GPR137C: variants seen among roughly 807,000 people sequenced by gnomAD.
GPR137C encodes the protein G protein-coupled receptor 137C.
Under a neutral mutation model 43.4 loss-of-function variants are expected in GPR137C, and 27 were observed. The ratio of observed to expected loss-of-function variants is 0.62; its 90% confidence interval spans 0.46 to 0.86. The LOEUF (loss-of-function observed/expected upper bound fraction) is 0.86, where lower values mean the gene tolerates loss of function less well. Ranked by LOEUF, GPR137C falls within the 40% of genes least tolerant of loss-of-function variation. GPR137C has a pLI of 0.00. For synonymous variants in GPR137C, 285 were observed against 226.9 expected (o/e 1.26, Z -2.30); for missense variants, 522 against 534.6 (o/e 0.98, Z 0.23).
intron 4 of GPR137C, 68 bp downstream of exon 4, chr14:52,632,377 C>T: frequency 8.8e-7 from 1 of 1,131,574 alleles, no homozygotes; most frequent in Non-Finnish European, 1.3e-6. Context: ...TAGAAGAACA[C>T]TGTAGTGTTT....
intron 1 of GPR137C, among the ~76,000 whole-genome samples, chr14:52,596,538 C>T (rs1566615796): frequency 6.6e-6 from 1 of 152,210 alleles, no homozygotes; most frequent in East Asian, 1.9e-4. Context: ...GGTGGATGCC[C>T]CTCCCCCTGC....
intron 3 of GPR137C, among the ~76,000 whole-genome samples, chr14:52,615,001 C>T (rs904344421): frequency 7.9e-5 from 12 of 152,112 alleles, no homozygotes; most frequent in South Asian, 6.2e-4. Context: ...TGGTTGCTTG[C>T]GCTTGTGGAG....
chr14:52,628,792 T>C (rs899992675), intron 3 of GPR137C, among the ~76,000 whole-genome samples: 1 of 152,012 alleles, frequency 6.6e-6, no homozygotes, highest in Non-Finnish European at 1.5e-5. Context: ...GGAGACTGTC[T>C]CAAAAATAAA....
At chr14:52,594,205 G>A (rs2038821020) in intron 1 of GPR137C, among the ~76,000 whole-genome samples, 1 of 152,082 alleles carries the variant, frequency 6.6e-6, no homozygotes, top group South Asian at 2.1e-4. Flanking sequence ...GTTGTCATTT[G>A]TGTTCTTTTA....
intron 1 of GPR137C, among the ~76,000 whole-genome samples, chr14:52,578,886 G>T (rs1047067822): frequency 2.0e-5 from 3 of 152,020 alleles, no homozygotes; most frequent in African/African-American, 7.2e-5. Context: ...CGAGTTTGCA[G>T]TGAGCTGAGA....
chr14:52,634,841 T>C (rs765753279), intron 6 of GPR137C, 97 bp from the exon 7 acceptor site: 2 of 1,058,814 alleles, frequency 1.9e-6, no homozygotes, highest in East Asian at 5.3e-5. Flanking sequence ...GAGTGCTAAC[T>C]TTATTACAAA....
At chr14:52,579,957 A>G (rs955801840) in intron 1 of GPR137C, among the ~76,000 whole-genome samples, 1 of 152,256 alleles carries the variant, frequency 6.6e-6, no homozygotes, top group African/African-American at 2.4e-5. Flanking sequence ...GGTAAAGTGA[A>G]GCACAGCTCA....
At chr14:52,571,651 C>T (rs1041461939) in intron 1 of GPR137C, among the ~76,000 whole-genome samples, 1 of 151,814 alleles carries the variant, frequency 6.6e-6, no homozygotes, top group African/African-American at 2.4e-5. Flanking sequence ...TCCAGGGGGC[C>T]GTGTGAGACT....
intron 3 of GPR137C, among the ~76,000 whole-genome samples, chr14:52,618,392 T>C (rs911647566): frequency 1.3e-5 from 2 of 152,194 alleles, no homozygotes; most frequent in African/African-American, 2.4e-5. Flanking sequence ...TTTTGTCTAT[T>C]GCTAACATTT....
intron 1 of GPR137C, among the ~76,000 whole-genome samples, chr14:52,574,535 G>A (rs1003920358): frequency 2.0e-5 from 3 of 152,216 alleles, no homozygotes; most frequent in South Asian, 2.1e-4. Context: ...GATACAGGGC[G>A]GGGAACATCA....
intron 1 of GPR137C, among the ~76,000 whole-genome samples, chr14:52,558,782 C>T (rs921775704): frequency 2.0e-5 from 3 of 151,902 alleles, no homozygotes; most frequent in Admixed American, 2.0e-4. Context: ...AAATTAAAAA[C>T]TGAAATGGAT....
At chr14:52,555,467 C>G (rs968870847) in intron 1 of GPR137C, among the ~76,000 whole-genome samples, 14 of 152,052 alleles carry the variant, frequency 9.2e-5, no homozygotes, top group African/African-American at 1.4e-4. Flanking sequence ...GTAGCTCCCC[C>G]AGGTAAGCAC....
intron 3 of GPR137C, chr14:52,612,321 A>C (rs1157261): frequency 0.93 from 835,793 of 903,464 alleles, 386,646 homozygotes; most frequent in East Asian, 0.99. Context: ...ATTAAAAATT[A>C]TTTTTAAGGC....
At chr14:52,626,468 C>T (rs1463555452) in intron 3 of GPR137C, among the ~76,000 whole-genome samples, 2 of 150,102 alleles carry the variant, frequency 1.3e-5, no homozygotes, top group South Asian at 2.1e-4. Context: ...AAAAAAAAAA[C>T]CTCTCAGCTA....
intron 1 of GPR137C, among the ~76,000 whole-genome samples, chr14:52,581,960 A>G (rs566744384): frequency 1.6e-4 from 24 of 152,250 alleles, no homozygotes; most frequent in Non-Finnish European, 2.6e-4. Flanking sequence ...TCTACATGTC[A>G]TGGGTGAAAA....
chr14:52,556,236 C>G (rs1183707369), intron 1 of GPR137C, among the ~76,000 whole-genome samples: 1 of 151,942 alleles, frequency 6.6e-6, no homozygotes, highest in Non-Finnish European at 1.5e-5. Flanking sequence ...TTGTTTTTTT[C>G]TGATTCTCAC....
chr14:52,562,024 A>G (rs1168384791), intron 1 of GPR137C, among the ~76,000 whole-genome samples: 1 of 152,240 alleles, frequency 6.6e-6, no homozygotes, highest in African/African-American at 2.4e-5. Flanking sequence ...AATTTACTCC[A>G]AGAATAAAAG....
intron 3 of GPR137C, among the ~76,000 whole-genome samples, chr14:52,628,262 A>AT (rs2039253004): frequency 6.6e-6 from 1 of 152,314 alleles, no homozygotes; most frequent in East Asian, 1.9e-4. Context: ...ACCACAAGGA[A>AT]TTTTTTAAAC....
intron 3 of GPR137C, among the ~76,000 whole-genome samples, chr14:52,629,818 G>A (rs957433295): frequency 6.6e-5 from 10 of 152,150 alleles, no homozygotes; most frequent in East Asian, 1.9e-4. Flanking sequence ...GCATATCTGC[G>A]TTCTAAAAGT....
Sources: gnomAD v4.1 joint callset for allele counts (sites outside exome capture counted in the v4.1 genomes callset) on GRCh38, gnomAD v4.1.1 for gene constraint, MANE v1.5 for transcripts, NCBI Gene and HGNC (gene_info 2026-07-23, HGNC 2026-07-21) for gene names.